CFAP184: variants seen among roughly 807,000 people sequenced by gnomAD.
CFAP184 encodes the protein cilia and flagella associated protein 184, also known as cilia- and flagella-associated protein 184.
chr4:7,042,779 GCTCCTCCTC>G, the CFAP184 span: 1 of 1,542,456 alleles, frequency 6.5e-7, no homozygotes, highest in African/African-American at 1.4e-5. Context: ...GAAGCCGCTT[GCTCCTCCTC>G]CTCCTCCTCC....
At chr4:7,041,439 G>C in the CFAP184 span, 10 of 1,614,218 alleles carry the variant, frequency 6.2e-6, no homozygotes, top group South Asian at 1.1e-4. Flanking sequence ...TGCCTAGAAG[G>C]CCGCACTTCT....
At chr4:7,041,703 C>A in the CFAP184 span, 2 of 1,614,244 alleles carry the variant, frequency 1.2e-6, no homozygotes, top group South Asian at 1.1e-5. Context: ...GGTTCTCAAT[C>A]TTCAGCTGTT....
chr4:7,042,976 G>A, the CFAP184 span: 2 of 1,398,670 alleles, frequency 1.4e-6, no homozygotes, highest in Admixed American at 2.7e-5. Flanking sequence ...ACCCCGGCAG[G>A]ACGCTGTTAG....
the CFAP184 span, chr4:7,042,357 G>T: frequency 6.2e-7 from 1 of 1,609,806 alleles, no homozygotes; most frequent in Non-Finnish European, 8.5e-7. Flanking sequence ...CCTCTTCCTG[G>T]CTTTTGGCCG....
the CFAP184 span, chr4:7,042,077 G>A: frequency 6.2e-6 from 10 of 1,610,360 alleles, no homozygotes; most frequent in South Asian, 3.3e-5. Flanking sequence ...AGCATGCCCA[G>A]ATGGCGCAGG....
the CFAP184 span, chr4:7,041,979 G>A: frequency 6.2e-7 from 1 of 1,612,474 alleles, no homozygotes; most frequent in Non-Finnish European, 8.5e-7. Flanking sequence ...CCACCCTGGT[G>A]AGCTTCTCCT....
the CFAP184 span, chr4:7,042,927 G>A: frequency 2.7e-6 from 4 of 1,461,462 alleles, no homozygotes; most frequent in South Asian, 5.5e-5. Flanking sequence ...TGTGCTCAGA[G>A]CTGACGTCCA....
chr4:7,042,029 A>T, the CFAP184 span: 2 of 1,610,940 alleles, frequency 1.2e-6, no homozygotes, highest in Non-Finnish European at 1.7e-6. Flanking sequence ...TGGTGGTACC[A>T]CTGCAGGTCG....
the CFAP184 span, chr4:7,041,209 A>ACAC: frequency 6.6e-7 from 1 of 1,508,520 alleles, no homozygotes; most frequent in Admixed American, 2.3e-5. Flanking sequence ...ACGAAGGTAA[A>ACAC]ATAAAGCAGG....
At chr4:7,042,291 G>A in the CFAP184 span, 2 of 1,587,290 alleles carry the variant, frequency 1.3e-6, no homozygotes, top group African/African-American at 2.7e-5. Flanking sequence ...GCAGCTTCTG[G>A]ACCTCCTCGG....
chr4:7,042,708 C>A, the CFAP184 span: 2 of 1,513,614 alleles, frequency 1.3e-6, no homozygotes, highest in Non-Finnish European at 1.8e-6. Context: ...CGCCCGCAGC[C>A]TCGGCTGCCG....
At chr4:7,041,582 T>C in the CFAP184 span, 11 of 1,614,276 alleles carry the variant, frequency 6.8e-6, 1 homozygote, top group South Asian at 1.1e-4. Flanking sequence ...TCCATGTCCA[T>C]GAAGTGCAGC....
chr4:7,042,994 G>T, the CFAP184 span: 3 of 1,376,132 alleles, frequency 2.2e-6, no homozygotes, highest in Admixed American at 8.3e-5. Flanking sequence ...TAGGTTTCCC[G>T]GGGCAACAGA....
At chr4:7,042,591 C>A in the CFAP184 span, 4 of 1,540,234 alleles carry the variant, frequency 2.6e-6, no homozygotes, top group Non-Finnish European at 2.6e-6. Flanking sequence ...GTTCCTCGGG[C>A]CCGGCTCCGG....
chr4:7,042,607 G>A, the CFAP184 span: 2 of 1,515,018 alleles, frequency 1.3e-6, no homozygotes, highest in East Asian at 2.3e-5. Flanking sequence ...TCCGGGCTCC[G>A]GCTGGGCGGG....
At chr4:7,041,734 C>A in the CFAP184 span, 3 of 1,614,156 alleles carry the variant, frequency 1.9e-6, no homozygotes, top group Non-Finnish European at 2.5e-6. Context: ...AAGAAGCAGA[C>A]CCTGGGTCAG....
the CFAP184 span, chr4:7,041,413 C>G: frequency 1.2e-6 from 2 of 1,614,228 alleles, no homozygotes. Flanking sequence ...TTCCAAGTCC[C>G]GAAGAAGTGA....
chr4:7,041,237 T>C, the CFAP184 span: 2 of 1,531,384 alleles, frequency 1.3e-6, no homozygotes, highest in Non-Finnish European at 1.8e-6. Flanking sequence ...GTCCTGAGGA[T>C]GAAGTGTTTT....
the CFAP184 span, chr4:7,042,181 A>G: frequency 6.3e-7 from 1 of 1,599,620 alleles, no homozygotes; most frequent in Non-Finnish European, 8.5e-7. Flanking sequence ...CGCCTCGAAG[A>G]TCTTGTGCTG....
Sources: gnomAD v4.1 joint callset for allele counts on GRCh38, gnomAD v4.1.1 for gene constraint, MANE v1.5 for transcripts, NCBI Gene and HGNC (gene_info 2026-07-23, HGNC 2026-07-21) for gene names.